Variants in HTR1D observed in about 807,000 individuals in gnomAD.
HTR1D encodes the protein 5-hydroxytryptamine receptor 1D.
In HTR1D, 18 loss-of-function variants were observed where a neutral mutation model predicts 21.1. That is an observed-to-expected ratio of 0.85 (90% confidence interval 0.59 to 1.27). The LOEUF (loss-of-function observed/expected upper bound fraction) is 1.27, where lower values mean the gene tolerates loss of function less well. Ranked by LOEUF, HTR1D falls within the 50% of genes most tolerant of loss-of-function variation. The pLI, the probability that HTR1D is intolerant of heterozygous loss-of-function variation, is 0.00. For missense variants in HTR1D, 456 were observed against 481.4 expected, an observed-to-expected ratio of 0.95 and a Z score of 0.49; for synonymous variants, 196 against 204.4, an observed-to-expected ratio of 0.96 and a Z score of 0.35.
chr1:23,199,030 AT>A (rs137918322), intron 1 of HTR1D, among the ~76,000 whole-genome samples: 4 of 150,746 alleles, frequency 2.7e-5, no homozygotes, highest in East Asian at 2.0e-4. Context: ...TAATTTTTGT[AT>A]TTTTTTTTAG....
At chr1:23,215,222 G>A (rs151047314) in intron 1 of HTR1D, among the ~76,000 whole-genome samples, 69 of 152,254 alleles carry the variant, frequency 4.5e-4, no homozygotes, top group African/African-American at 1.6e-3. Flanking sequence ...TTCGAGGCCA[G>A]CCTGGGCAAC....
intron 1 of HTR1D, among the ~76,000 whole-genome samples, chr1:23,210,726 C>G (rs536103995): frequency 1.0e-3 from 154 of 152,060 alleles, no homozygotes; most frequent in African/African-American, 3.4e-3. Context: ...TTCAAGTCTC[C>G]CCCCCAGCTC....
intron 1 of HTR1D, among the ~76,000 whole-genome samples, chr1:23,206,209 T>C (rs958487156): frequency 1.3e-5 from 2 of 151,968 alleles, no homozygotes; most frequent in Non-Finnish European, 2.9e-5. Flanking sequence ...ACCCAGCTAA[T>C]TTTTTTGTAT....
At chr1:23,199,112 C>T (rs1644700544) in intron 1 of HTR1D, among the ~76,000 whole-genome samples, 1 of 152,034 alleles carries the variant, frequency 6.6e-6, no homozygotes, top group South Asian at 2.1e-4. Context: ...TAGGCGTGAG[C>T]CACCATGCCG....
chr1:23,209,250 C>G (rs542738568), intron 1 of HTR1D, among the ~76,000 whole-genome samples: 1 of 152,146 alleles, frequency 6.6e-6, no homozygotes, highest in Non-Finnish European at 1.5e-5. Flanking sequence ...CCGTCCGCCT[C>G]GGCCTCCCAA....
chr1:23,197,429 A>T (rs934692613), intron 1 of HTR1D, among the ~76,000 whole-genome samples: 1 of 152,174 alleles, frequency 6.6e-6, no homozygotes, highest in East Asian at 1.9e-4. Context: ...CACACTTCAA[A>T]TAATAAAATA....
chr1:23,199,675 G>A (rs183585051), intron 1 of HTR1D, among the ~76,000 whole-genome samples: 1 of 151,766 alleles, frequency 6.6e-6, no homozygotes, highest in East Asian at 1.9e-4. Flanking sequence ...TGCTTTGTAG[G>A]GAATGATGTA....
chr1:23,203,364 A>C (rs968647301), intron 1 of HTR1D, among the ~76,000 whole-genome samples: 1 of 152,030 alleles, frequency 6.6e-6, no homozygotes, highest in Non-Finnish European at 1.5e-5. Context: ...TCTAATCATA[A>C]AATCTGGAAA....
intron 1 of HTR1D, among the ~76,000 whole-genome samples, chr1:23,209,642 G>A (rs571900490): frequency 6.6e-5 from 10 of 152,056 alleles, no homozygotes; most frequent in East Asian, 3.9e-4. Flanking sequence ...AAGTCTGACC[G>A]CAACCCTCTG....
Position 23,193,519 on chromosome 1 carries a change from A to C in HTR1D, c.701T>G (p.Leu234Arg), listed in dbSNP as rs560737318. 5 of 1,613,922 alleles carry C rather than the reference A, an allele frequency of 3.1e-6. No homozygotes were observed. The East Asian group carries it at 8.9e-5, about 29-fold the overall frequency. ...ARNRILNPPS[L>R]YGKRFTTAHL... ...GGCCGTGGTGAAGCGCTTCCCATAG[A>C]GTGAGGGTGGATTCAGGATGCGGTT... The change falls in exon 2 of 2, where the codon CTC becomes CGC. Residue 234 changes from leucine to arginine, a missense_variant. Coordinates refer to ENST00000374619, the MANE Select transcript of HTR1D (RefSeq NM_000864.5).
chr1:23,198,149 A>T (rs1343553294), intron 1 of HTR1D, among the ~76,000 whole-genome samples: 5 of 151,296 alleles, frequency 3.3e-5, no homozygotes, highest in African/African-American at 1.2e-4. Flanking sequence ...AGGCAGGAGG[A>T]TCATGAGGTC....
chr1:23,217,491 G>T lies in HTR1D; in HGVS notation c.-983C>A, dbSNP rs960445711. On this transcript the variant is annotated 5_prime_UTR_variant, in exon 1 of 2. Transcript: ENST00000374619. This position sits in a 1 kb window ranked among gnomAD's most constrained non-coding sequence, Gnocchi z 4.6. ...GCCTCCGCCTCTCCCAGAGCCCTGC[G>T]GCTCCTTCTCCGCGCTCCCCTTCCC... 2.6e-5 allele frequency among the ~76,000 whole-genome samples: 4 copies of T among 151,956 alleles called. No homozygotes were observed. The highest frequency in any genetic ancestry group is 7.2e-5 in the African/African-American group (3 of 41,400).
chr1:23,193,581 G>A lies in HTR1D; in HGVS notation c.639C>T (p.Leu213=). The A allele has an allele frequency of 1.2e-6, 2 of 1,614,098 alleles. No individual in the cohort carries two copies. Among genetic ancestry groups the A allele is most frequent in the African/African-American group, 1.3e-5 (1 of 75,062 alleles). ...CGAFYIPSVL[L]IILYGRIYRA... is the part of the protein sequence containing the mutation. Reference sequence around the variant, plus strand: ...GGTAGATCCGGCCATATAGGATGATGAGCAACACCGAGGGAATGTAGAAGG... The same window carrying A: ...GGTAGATCCGGCCATATAGGATGATAAGCAACACCGAGGGAATGTAGAAGG... Residue 213 remains leucine, a synonymous_variant, in exon 2 of 2, where the codon CTC becomes CTT. Transcript: ENST00000374619.
In HTR1D at chr1:23,193,216, G is replaced by A. The variant is rs749764511; in HGVS notation, c.1004C>T (p.Pro335Leu). The change falls in exon 2 of 2, where the codon CCG becomes CTG. Residue 335 changes from proline to leucine, a missense_variant. Coordinates refer to ENST00000374619, the MANE Select transcript of HTR1D (RefSeq NM_000864.5). ...PICRDSCWIH[P>L]ALFDFFTWLG... ...CCAGGTGAAGAAGTCAAAGAGCGCC[G>A]GGTGGATCCAGCAGGAGTCCCGGCA... The A allele has an allele frequency of 1.2e-5, 20 of 1,613,964 alleles. No individual in the cohort carries two copies. The highest frequency in any genetic ancestry group is 3.3e-5 in the South Asian group (3 of 91,088).
chr1:23,215,729 C>T (rs1644771257), intron 1 of HTR1D, among the ~76,000 whole-genome samples: 1 of 152,222 alleles, frequency 6.6e-6, no homozygotes, highest in African/African-American at 2.4e-5. Context: ...TTTTCTGGCC[C>T]TGTACTAGGT....
Position 23,194,278 on chromosome 1 carries a change from G to T in HTR1D, c.-59C>A. Reference sequence around the variant, plus strand: ...ACATTTGGCTCCTTCCTTCAAGGTTGTCCTGACAACAGAGCAAAGTCATCC... The same window carrying T: ...ACATTTGGCTCCTTCCTTCAAGGTTTTCCTGACAACAGAGCAAAGTCATCC... On this transcript the variant is annotated 5_prime_UTR_variant, in exon 2 of 2. Transcript: ENST00000374619. 6.7e-7 allele frequency: 1 copy of T among 1,501,796 alleles called. No homozygotes were observed. The highest frequency in any genetic ancestry group is 9.1e-7 in the Non-Finnish European group (1 of 1,103,702). The allele number at this position is 1,501,796 out of a possible 1,614,324, so 93.0% of individuals were successfully genotyped here. A position where few individuals can be genotyped will look rare whatever the true frequency, so the allele number is the denominator to read the frequency against.
chr1:23,198,580 A>G (rs1257305316), intron 1 of HTR1D, among the ~76,000 whole-genome samples: 1 of 152,218 alleles, frequency 6.6e-6, no homozygotes, highest in Non-Finnish European at 1.5e-5. Flanking sequence ...TCCTAGTAGC[A>G]TGAAATAGCA....
At chr1:23,215,849 C>T (rs1644771649) in intron 1 of HTR1D, among the ~76,000 whole-genome samples, 1 of 152,142 alleles carries the variant, frequency 6.6e-6, no homozygotes, top group African/African-American at 2.4e-5. Flanking sequence ...CCACGGGCTG[C>T]ACTGGGACTT....
intron 1 of HTR1D, among the ~76,000 whole-genome samples, chr1:23,210,068 T>A (rs754378829): frequency 6.6e-6 from 1 of 152,062 alleles, no homozygotes; most frequent in Non-Finnish European, 1.5e-5. Flanking sequence ...TCTGATTCTG[T>A]GGGTCTGCAG....
Sources: gnomAD v4.1 joint callset for allele counts (sites outside exome capture counted in the v4.1 genomes callset) on GRCh38, gnomAD v4.1.1 for gene constraint, Gnocchi (gnomAD v3.1) non-coding constraint, MANE v1.5 for transcripts, NCBI Gene and HGNC (gene_info 2026-07-23, HGNC 2026-07-21) for gene names.